The following GPR84 variants were observed in gnomAD, a reference collection of about 807,000 sequenced individuals.
GPR84 encodes G protein-coupled receptor 84.
In GPR84, 8 loss-of-function variants were observed where a neutral mutation model predicts 14.9. The ratio of observed to expected loss-of-function variants is 0.54; its 90% CI spans 0.31 to 0.97. GPR84 has a LOEUF of 0.97. GPR84 is among the 50% of genes least tolerant of loss of function. The pLI is 0.04. For missense variants in GPR84, 424 were observed against 498.7 expected (o/e 0.85, Z 1.43); for synonymous variants, 164 against 198.1 (o/e 0.83, Z 1.45).
At chr12:54,356,923 G>T in the GPR84 span, among the ~76,000 whole-genome samples, 1 of 152,320 alleles carries the variant, frequency 6.6e-6, no homozygotes, top group African/African-American at 2.4e-5. Flanking sequence ...GGGTGGAGGG[G>T]GGTGGTGTGG....
At chr12:54,361,420 G>A (rs1334392305), downstream of GPR84, among the ~76,000 whole-genome samples, 2 of 152,048 alleles carry the variant, frequency 1.3e-5, no homozygotes, top group East Asian at 1.9e-4. The surrounding 1 kb of genome is among the most constrained non-coding windows in gnomAD (Gnocchi z 4.3). Flanking sequence ...GCCCAGGCTG[G>A]AGTGCAATGG....
the GPR84 span, among the ~76,000 whole-genome samples, chr12:54,353,110 C>A: frequency 1.3e-5 from 2 of 152,156 alleles, no homozygotes; most frequent in Non-Finnish European, 2.9e-5. Flanking sequence ...TAAACTCCTG[C>A]CTTCTGTTTT....
chr12:54,352,624 C>A, the GPR84 span, among the ~76,000 whole-genome samples: 2 of 151,970 alleles, frequency 1.3e-5, no homozygotes, highest in African/African-American at 4.8e-5. Flanking sequence ...GCAAGGGAGA[C>A]CAAATTAGTA....
chr12:54,359,706 C>T (rs566102163), downstream of GPR84, among the ~76,000 whole-genome samples: 1 of 152,270 alleles, frequency 6.6e-6, no homozygotes, highest in African/African-American at 2.4e-5. Context: ...GCATGAGCAA[C>T]GCACCACGAG....
the GPR84 span, among the ~76,000 whole-genome samples, chr12:54,354,314 G>C: frequency 6.6e-6 from 1 of 151,884 alleles, no homozygotes; most frequent in Non-Finnish European, 1.5e-5. Context: ...ACGATGTTTT[G>C]CCATATTGCC....
chr12:54,355,018 G>A, the GPR84 span, among the ~76,000 whole-genome samples: 2 of 152,164 alleles, frequency 1.3e-5, no homozygotes, highest in African/African-American at 4.8e-5. Context: ...GCTGAAGAGT[G>A]GCAGAAACAG....
the GPR84 span, among the ~76,000 whole-genome samples, chr12:54,355,896 C>G: frequency 6.3e-4 from 96 of 152,302 alleles, 2 homozygotes; most frequent in Middle Eastern, 0.044. Context: ...TTTTCCCACT[C>G]CAGCTTTCCT....
Position 54,362,517 on chromosome 12 carries a change from A to C in GPR84, c.*144T>G, listed in dbSNP as rs1954279455. The C allele has an allele frequency of 1.8e-5, 12 of 664,878 alleles. 1 individual carries two copies. The South Asian group carries it at 2.3e-4, about 13-fold the overall frequency. The allele number at this position is 664,878 out of a possible 1,614,324, so 41.2% of individuals were successfully genotyped here. A position where few individuals can be genotyped will look rare whatever the true frequency, so the allele number is the denominator to read the frequency against. ...CAGTCTAGGGCTGAAACATTGATCA[A>C]GTGATGGAGAGACTTGATTTGGGAG... On this transcript the variant is annotated 3_prime_UTR_variant, in exon 2 of 2. Coordinates refer to ENST00000267015, the MANE Select transcript of GPR84 (RefSeq NM_020370.3). The surrounding 1 kb of genome is among the most constrained non-coding windows in gnomAD (Gnocchi z 4.0).
At position 54,364,412 on chromosome 12, in the gene GPR84, A is replaced by T. The variant is rs1245715393; in HGVS notation, c.-28T>A. ...GCTTACCTGAGTTTCTCAGCCTTCA[A>T]TTCTTTCTATAATGGAAGAAGTTCA... On this transcript the variant is annotated 5_prime_UTR_variant, in exon 1 of 2. In the 5' UTR this introduces an upstream ATG that the reference lacks. Coordinates refer to ENST00000267015, the MANE Select transcript of GPR84 (RefSeq NM_020370.3). 6.6e-6 allele frequency: 1 copy of T among 152,244 alleles called. No individual in the cohort carries two copies. The highest frequency in any genetic ancestry group is 1.5e-5 in the Non-Finnish European group (1 of 68,088). The allele number at this position is 152,244 out of a possible 1,614,324, so 9.4% of individuals were successfully genotyped here.
chr12:54,359,172 C>G (rs1308765001), downstream of GPR84, among the ~76,000 whole-genome samples: 3 of 152,026 alleles, frequency 2.0e-5, no homozygotes, highest in Admixed American at 2.0e-4. Context: ...ACTCCTCACT[C>G]CCTAGCAGCT....
chr12:54,362,480 A>G lies in GPR84; in HGVS notation c.*181T>C, dbSNP rs964402075. 1 of 578,868 alleles carries G rather than the reference A, an allele frequency of 1.7e-6. No homozygotes were observed. The highest frequency in any genetic ancestry group is 3.1e-6 in the Non-Finnish European group (1 of 319,166). The allele number at this position is 578,868 out of a possible 1,614,324, so 35.9% of individuals were successfully genotyped here. A position where few individuals can be genotyped will look rare whatever the true frequency, so the allele number is the denominator to read the frequency against. ...AGAATTCATTTATTAATAATTAATAATACTCCTTGGGCAGTCTAGGGCTGA... is the reference window on the plus strand; with the variant it reads ...AGAATTCATTTATTAATAATTAATAGTACTCCTTGGGCAGTCTAGGGCTGA... On this transcript the variant is annotated 3_prime_UTR_variant, in exon 2 of 2. Coordinates refer to ENST00000267015, the MANE Select transcript of GPR84 (RefSeq NM_020370.3). The surrounding 1 kb of genome is among the most constrained non-coding windows in gnomAD (Gnocchi z 4.0).
chr12:54,363,894 T>C, intron 1 of GPR84, 35 bp from the exon 2 acceptor site: 1 of 1,387,852 alleles, frequency 7.2e-7, no homozygotes, highest in Non-Finnish European at 9.8e-7. Context: ...GAAGAGGGAA[T>C]CAGAACCTAG....
downstream of GPR84, among the ~76,000 whole-genome samples, chr12:54,361,618 G>A (rs1954269872): frequency 6.6e-6 from 1 of 152,108 alleles, no homozygotes; most frequent in African/African-American, 2.4e-5. This position sits in a 1 kb window ranked among gnomAD's most constrained non-coding sequence, Gnocchi z 4.3. Flanking sequence ...TGATCCACCT[G>A]CCTCTGCCTC....
At chr12:54,360,433 C>T (rs911199369), downstream of GPR84, among the ~76,000 whole-genome samples, 3 of 152,100 alleles carry the variant, frequency 2.0e-5, no homozygotes, top group East Asian at 1.9e-4. Context: ...GCTCAAGTTC[C>T]GAGAGCTAAC....
the GPR84 span, chr12:54,350,738 C>A: frequency 1.7e-6 from 1 of 591,448 alleles, no homozygotes; most frequent in East Asian, 2.8e-5. Flanking sequence ...AAGCTCCCAG[C>A]ATATTTAGAT....
chr12:54,359,394 A>G (rs1335205301), downstream of GPR84, among the ~76,000 whole-genome samples: 2 of 143,596 alleles, frequency 1.4e-5, no homozygotes, highest in African/African-American at 5.0e-5. Context: ...CGAACGAGCA[A>G]GAACAGCCCG....
chr12:54,355,349 T>TGC, the GPR84 span, among the ~76,000 whole-genome samples: 2 of 151,860 alleles, frequency 1.3e-5, no homozygotes, highest in African/African-American at 4.8e-5. Flanking sequence ...TGTGTGTGTG[T>TGC]GTGTGCGCAT....
chr12:54,358,855 T>C (rs1954237074), downstream of GPR84, among the ~76,000 whole-genome samples: 1 of 152,072 alleles, frequency 6.6e-6, no homozygotes, highest in African/African-American at 2.4e-5. Flanking sequence ...GCCCTCTCAG[T>C]TTCCCCTTCG....
chr12:54,355,804 C>T, the GPR84 span, among the ~76,000 whole-genome samples: 1 of 152,110 alleles, frequency 6.6e-6, no homozygotes, highest in Non-Finnish European at 1.5e-5. Context: ...AATGGCTGAC[C>T]TCCTTCAGAT....
Sources: allele counts gnomAD v4.1 joint callset (sites outside exome capture counted in the v4.1 genomes callset), GRCh38; gene constraint gnomAD v4.1.1; non-coding constraint Gnocchi (gnomAD v3.1); transcripts MANE v1.5; gene names NCBI Gene and HGNC (gene_info 2026-07-23, HGNC 2026-07-21).